VPS39: variants seen among roughly 807,000 people sequenced by gnomAD.
The protein encoded by VPS39 is vam6/Vps39-like protein.
In VPS39, 70 loss-of-function variants were observed where a neutral mutation model predicts 121.0. The ratio of observed to expected loss-of-function variants is 0.58; its 90% CI spans 0.48 to 0.71. The LOEUF is 0.71. Among genes scored for constraint, VPS39 ranks in the 30% least tolerant of loss-of-function variants. The pLI, the probability that VPS39 is intolerant of heterozygous loss-of-function variation, is 0.00. For missense variants in VPS39, 818 were observed against 1,051.5 expected, an observed-to-expected ratio of 0.78 and a Z score of 3.07; for synonymous variants, 378 against 398.1, an observed-to-expected ratio of 0.95 and a Z score of 0.60.
intron 2 of VPS39, among the ~76,000 whole-genome samples, chr15:42,195,769 C>A (rs1464937157): frequency 6.6e-6 from 1 of 152,106 alleles, no homozygotes; most frequent in Non-Finnish European, 1.5e-5. Context: ...AGATTCAATG[C>A]CATCCTCATC....
At chr15:42,201,095 T>G (rs1430057988) in intron 1 of VPS39, among the ~76,000 whole-genome samples, 2 of 152,214 alleles carry the variant, frequency 1.3e-5, no homozygotes, top group Non-Finnish European at 2.9e-5. Flanking sequence ...CTGAAAGTGA[T>G]GAATATGTTC....
intron 1 of VPS39, among the ~76,000 whole-genome samples, chr15:42,200,946 G>A (rs1316301220): frequency 7.2e-5 from 11 of 152,184 alleles, no homozygotes; most frequent in Non-Finnish European, 1.2e-4. Flanking sequence ...AAGGAAGCCA[G>A]ACAAAAGGCC....
At chr15:42,207,188 C>T (rs74438384) in intron 1 of VPS39, among the ~76,000 whole-genome samples, 40 of 152,208 alleles carry the variant, frequency 2.6e-4, no homozygotes, top group African/African-American at 8.7e-4. Context: ...TCCATAAGGC[C>T]CATCATGGTT....
chr15:42,160,621 G>T lies in VPS39; in HGVS notation c.*133C>A. On this transcript the variant is annotated 3_prime_UTR_variant, in exon 25 of 25. Coordinates refer to ENST00000318006, the MANE Select transcript of VPS39 (RefSeq NM_015289.5). ...TCTAATTAATTCAGAGTTGTTCCAGGGCACAAGATAGCCAGTAATGTCCAA... is the reference window on the plus strand; with the variant it reads ...TCTAATTAATTCAGAGTTGTTCCAGTGCACAAGATAGCCAGTAATGTCCAA... 1 of 780,808 alleles carries T rather than the reference G, an allele frequency of 1.3e-6. No individual in the cohort carries two copies. The highest frequency in any genetic ancestry group is 2.2e-6 in the Non-Finnish European group (1 of 448,178). 48.4% of individuals were successfully genotyped at this position (780,808 alleles called of 1,614,324 possible).
At position 42,162,306 on chromosome 15, in the gene VPS39, C is replaced by G. The variant is rs201364079; in HGVS notation, c.2325+26G>C. ...ATTCGGTGCTCCCTGCAAACACCCT[C>G]CATCTCCCTAGGAACAACTCCTGAC... On this transcript the variant is annotated intron_variant, in intron 22 of 24. Transcript: ENST00000318006. The G allele has an allele frequency of 1.9e-6, 3 of 1,600,286 alleles. No individual in the cohort carries two copies. In the African/African-American group the frequency reaches 4.0e-5, roughly 21 times the overall value.
At chr15:42,197,766 C>T (rs1293922526) in intron 2 of VPS39, among the ~76,000 whole-genome samples, 2 of 152,114 alleles carry the variant, frequency 1.3e-5, no homozygotes, top group East Asian at 1.9e-4. Flanking sequence ...TTTCTTGACC[C>T]TATTATCCCC....
chr15:42,202,427 AT>A (rs2050086578), intron 1 of VPS39, among the ~76,000 whole-genome samples: 1 of 152,236 alleles, frequency 6.6e-6, no homozygotes, highest in Non-Finnish European at 1.5e-5. Context: ...ATTTTGCAAT[AT>A]TTGTTTTGTA....
At position 42,172,282 on chromosome 15, in the gene VPS39, A is replaced by C. The variant is rs554604713; in HGVS notation, c.1090+1441T>G. On this transcript the variant is annotated intron_variant, in intron 11 of 24. Coordinates refer to ENST00000318006, the MANE Select transcript of VPS39 (RefSeq NM_015289.5). ...GCATGAGGACACTCAAGCAGCTCTG[A>C]AGAGAGACCCCCTTGGACAAGAACT... Among the ~76,000 whole-genome samples, 7 of 152,324 alleles carry C rather than the reference A, an allele frequency of 4.6e-5. No individual in the cohort carries two copies. In the East Asian group the frequency reaches 1.4e-3, roughly 29 times the overall value.
At position 42,189,794 on chromosome 15, in the gene VPS39, C is replaced by CTTTTT. The variant is rs34353468; in HGVS notation, c.248-591_248-587dup. On this transcript the variant is annotated intron_variant, in intron 4 of 24. Transcript: ENST00000318006. ...AGAGATCTTTCACTTCCAAAACACT[C>CTTTTT]TTTTTTTTTTTTTTTTTTTTTTTTT... 4.7e-4 allele frequency among the ~76,000 whole-genome samples: 16 copies of CTTTTT among 34,026 alleles called. 2 individuals carry two copies. Among genetic ancestry groups the CTTTTT allele is most frequent in the African/African-American group, 7.2e-4 (8 of 11,058 alleles). The allele number at this position is 34,026 out of a possible 152,430, so 22.3% of individuals were successfully genotyped here. A position where few individuals can be genotyped will look rare whatever the true frequency, so the allele number is the denominator to read the frequency against.
chr15:42,165,922 G>A, intron 16 of VPS39, 106 bp from the exon 17 acceptor site: 1 of 1,090,176 alleles, frequency 9.2e-7, no homozygotes, highest in South Asian at 1.4e-5. Flanking sequence ...GGAGGGCAAG[G>A]GTACGAGAAG....
At chr15:42,199,157 T>C (rs1595684232) in intron 2 of VPS39, among the ~76,000 whole-genome samples, 1 of 152,172 alleles carries the variant, frequency 6.6e-6, no homozygotes, top group Non-Finnish European at 1.5e-5. Context: ...CAGGGCATAA[T>C]ACCTAAACAC....
At chr15:42,164,554 A>C in intron 18 of VPS39, 68 bp from the exon 19 acceptor site, 1 of 1,587,408 alleles carries the variant, frequency 6.3e-7, no homozygotes, top group Non-Finnish European at 8.6e-7. Context: ...ATCAAGAAAA[A>C]TGAAGGGAAT....
chr15:42,176,318 T>C (rs937430350), intron 10 of VPS39, among the ~76,000 whole-genome samples: 1 of 152,086 alleles, frequency 6.6e-6, no homozygotes, highest in African/African-American at 2.4e-5. Flanking sequence ...ATGTTAAATA[T>C]ATGTAAAAGA....
chr15:42,201,202 G>A (rs1481823409), intron 1 of VPS39, among the ~76,000 whole-genome samples: 2 of 151,902 alleles, frequency 1.3e-5, no homozygotes, highest in African/African-American at 4.8e-5. Flanking sequence ...TTAAGATAGG[G>A]TTCTACTCTG....
chr15:42,165,315 A>G, intron 17 of VPS39: 2 of 590,342 alleles, frequency 3.4e-6, no homozygotes, highest in Non-Finnish European at 6.0e-6. Flanking sequence ...CCATCTTCTC[A>G]ATTACTAAAC....
chr15:42,188,420 A>G (rs1437245127), intron 5 of VPS39, among the ~76,000 whole-genome samples: 2 of 152,236 alleles, frequency 1.3e-5, no homozygotes, highest in Non-Finnish European at 2.9e-5. Context: ...TCTTTTCTGA[A>G]CAATGAAAAG....
intron 1 of VPS39, among the ~76,000 whole-genome samples, chr15:42,206,633 T>C (rs2050177797): frequency 6.6e-6 from 1 of 152,176 alleles, no homozygotes; most frequent in Non-Finnish European, 1.5e-5. Context: ...CAGAAACATA[T>C]GTCCTTAGCT....
chr15:42,166,977 A>G, intron 13 of VPS39, 64 bp from the exon 14 acceptor site: 1 of 1,604,046 alleles, frequency 6.2e-7, no homozygotes, highest in Non-Finnish European at 8.5e-7. Flanking sequence ...TCCCTGGCCC[A>G]GGCCTGCTCT....
chr15:42,174,268 A>G (rs2049405335), intron 10 of VPS39, among the ~76,000 whole-genome samples: 1 of 151,976 alleles, frequency 6.6e-6, no homozygotes, highest in Non-Finnish European at 1.5e-5. Flanking sequence ...AAAAAATAAA[A>G]CAAAGTGTAC....
Sources: gnomAD v4.1 joint callset for allele counts (sites outside exome capture counted in the v4.1 genomes callset) on GRCh38, gnomAD v4.1.1 for gene constraint, MANE v1.5 for transcripts, NCBI Gene and HGNC (gene_info 2026-07-23, HGNC 2026-07-21) for gene names.